Variants in CDC73 observed in about 807,000 individuals in gnomAD.
CDC73 encodes parafibromin.
Under a neutral mutation model 83.7 loss-of-function variants are expected in CDC73, and 21 were observed. The observed-to-expected ratio is 0.25, with a 90% CI of 0.18 to 0.36. The LOEUF is 0.36. Among genes scored for constraint, CDC73 ranks in the 10% least tolerant of loss-of-function variants. CDC73 has a pLI of 1.00. For missense variants in CDC73, 342 were observed against 653.3 expected, an observed-to-expected ratio of 0.52 and a Z score of 5.19; for synonymous variants, 224 against 212.9, an observed-to-expected ratio of 1.05 and a Z score of -0.45.
At chr1:193,156,015 G>T (rs1003780662) in intron 10 of CDC73, among the ~76,000 whole-genome samples, 5 of 152,150 alleles carry the variant, frequency 3.3e-5, no homozygotes, top group Admixed American at 3.3e-4. Flanking sequence ...AAACCATTCA[G>T]TGGGGGAAAT....
chr1:193,135,417 G>A lies in CDC73; in HGVS notation c.334G>A (p.Ala112Thr), dbSNP rs952579366. Residue 112 changes from alanine to threonine, a missense_variant, in exon 4 of 17, where the codon GCT (alanine) becomes ACT (threonine). This residue lies in a region of CDC73 where 99 missense variants were observed against 174.5 expected (regional missense o/e 0.57). Transcript: ENST00000367435. The stretch of plus-strand genomic sequence containing the variant: ...AACATCGGCAAGTATAGACAGAAGC[G>A]CTCCCTTAGAAATAGGTCTTCAGCG... ...ASTSASIDRS[A>T]PLEIGLQRST... 1.2e-6 allele frequency: 2 copies of A among 1,613,544 alleles called. No individual in the cohort carries two copies. Among genetic ancestry groups the A allele is most frequent in the Non-Finnish European group, 1.7e-6 (2 of 1,179,626 alleles).
At chr1:193,220,706 T>A (rs1484047135) in intron 13 of CDC73, among the ~76,000 whole-genome samples, 1 of 152,244 alleles carries the variant, frequency 6.6e-6, no homozygotes, top group Admixed American at 6.5e-5. Flanking sequence ...TTCATTGAGC[T>A]GTTTTTTCAT....
At chr1:193,193,434 CTG>C (rs769481145) in intron 10 of CDC73, among the ~76,000 whole-genome samples, 37 of 152,154 alleles carry the variant, frequency 2.4e-4, no homozygotes, top group Middle Eastern at 3.4e-3. Context: ...CTCATTTTCA[CTG>C]TGTTTTGATA....
chr1:193,172,182 C>T (rs1236312246), intron 10 of CDC73, among the ~76,000 whole-genome samples: 1 of 150,926 alleles, frequency 6.6e-6, no homozygotes, highest in Non-Finnish European at 1.5e-5. Flanking sequence ...ACCTCGGCCT[C>T]CCAAAGTGTT....
intron 10 of CDC73, among the ~76,000 whole-genome samples, chr1:193,172,348 T>G (rs959096928): frequency 2.6e-5 from 4 of 151,964 alleles, no homozygotes; most frequent in Admixed American, 6.6e-5. Context: ...CTTTTTTTTG[T>G]ATTGATTTGC....
At position 193,204,284 on chromosome 1, in the gene CDC73, TA is replaced by T. The variant is rs746099518; in HGVS notation, c.1030+433del. On this transcript the variant is annotated intron_variant, in intron 11 of 16. Coordinates refer to ENST00000367435, the MANE Select transcript of CDC73 (RefSeq NM_024529.5). The stretch of plus-strand genomic sequence containing the variant: ...GTGTGTGTGTGTGTGTGTGTATATA[TA>T]TATTTTTTTTTTTTCTTTTTTTGAG... Among the ~76,000 whole-genome samples, 1,145 of 140,858 alleles carry T rather than the reference TA, an allele frequency of 8.1e-3. 15 individuals are homozygous for T. The highest frequency in any genetic ancestry group is 0.026 in the South Asian group (113 of 4,326). 92.4% of individuals were successfully genotyped at this position (140,858 alleles called of 152,430 possible).
intron 14 of CDC73, among the ~76,000 whole-genome samples, chr1:193,233,987 G>A (rs1677705572): frequency 6.6e-6 from 1 of 151,394 alleles, no homozygotes; most frequent in Non-Finnish European, 1.5e-5. Flanking sequence ...TGAAGTACTT[G>A]TTAGTTTTCA....
At chr1:193,142,400 C>A (rs577609408) in intron 7 of CDC73, among the ~76,000 whole-genome samples, 24 of 152,228 alleles carry the variant, frequency 1.6e-4, no homozygotes, top group Non-Finnish European at 5.9e-5. Flanking sequence ...ATGGCAAGTT[C>A]TCTGGTTATT....
Position 193,248,248 on chromosome 1 carries a change from G to A in CDC73, c.1418-1482G>A, listed in dbSNP as rs888733598. 6.6e-5 allele frequency among the ~76,000 whole-genome samples: 10 copies of A among 152,068 alleles called. 1 individual carries two copies. The highest frequency in any genetic ancestry group is 2.4e-4 in the African/African-American group (10 of 41,428). On this transcript the variant is annotated intron_variant, in intron 15 of 16. Coordinates refer to ENST00000367435, the MANE Select transcript of CDC73 (RefSeq NM_024529.5). Reference sequence around the variant, plus strand: ...TGTGCTTTAGAAATTGAACAAAAAAGCGTGAATGACAACACTGTTTACAGC... The same window carrying A: ...TGTGCTTTAGAAATTGAACAAAAAAACGTGAATGACAACACTGTTTACAGC...
intron 13 of CDC73, among the ~76,000 whole-genome samples, chr1:193,219,516 G>A (rs1350171700): frequency 6.6e-6 from 1 of 152,102 alleles, no homozygotes; most frequent in African/African-American, 2.4e-5. Flanking sequence ...TGGTGGATTG[G>A]ATAAAGAAAT....
intron 15 of CDC73, among the ~76,000 whole-genome samples, chr1:193,237,661 C>T (rs1002583104): frequency 6.6e-6 from 1 of 152,044 alleles, no homozygotes; most frequent in African/African-American, 2.4e-5. Context: ...TAATTACCCA[C>T]AAGTGTGTTG....
At chr1:193,219,585 G>C (rs553574442) in intron 13 of CDC73, among the ~76,000 whole-genome samples, 1 of 152,236 alleles carries the variant, frequency 6.6e-6, no homozygotes, top group South Asian at 2.1e-4. Flanking sequence ...CATGTCCTTT[G>C]CAGCAACATG....
intron 13 of CDC73, among the ~76,000 whole-genome samples, chr1:193,232,238 TAAAAA>T (rs565086312): frequency 6.9e-6 from 1 of 145,652 alleles, no homozygotes; most frequent in Non-Finnish European, 1.5e-5. Flanking sequence ...CATAAAATCT[TAAAAA>T]AAAAAAAGTT....
At chr1:193,182,999 T>A (rs1034124310) in intron 10 of CDC73, among the ~76,000 whole-genome samples, 4 of 152,062 alleles carry the variant, frequency 2.6e-5, no homozygotes, top group African/African-American at 9.7e-5. Flanking sequence ...CATAAATACA[T>A]GTATGTATTT....
chr1:193,175,059 A>G (rs1291738585), intron 10 of CDC73, among the ~76,000 whole-genome samples: 1 of 152,192 alleles, frequency 6.6e-6, no homozygotes, highest in Non-Finnish European at 1.5e-5. Context: ...AATGGGATCA[A>G]AAGATTGGGT....
chr1:193,196,785 G>A (rs921932332), intron 10 of CDC73, among the ~76,000 whole-genome samples: 1 of 152,072 alleles, frequency 6.6e-6, no homozygotes, highest in South Asian at 2.1e-4. Flanking sequence ...ACTAATTTTT[G>A]TGTGTTGATT....
Position 193,233,025 on chromosome 1 carries a change from G to T in CDC73, c.1187G>T (p.Gly396Val). The change falls in exon 14 of 17, where the codon GGT (glycine) becomes GTT (valine). Residue 396 changes from glycine to valine, a missense_variant. Coordinates refer to ENST00000367435, the MANE Select transcript of CDC73 (RefSeq NM_024529.5). ...CCATCAGATGAAAAGAAGAAACAAG[G>T]TTGTCAACGAGAAAATGAAACTCTA... Reference protein sequence around the residue: ...FVPSDEKKKQGCQRENETLIQ... With the variant: ...FVPSDEKKKQVCQRENETLIQ... 1 of 1,613,850 alleles carries T rather than the reference G, an allele frequency of 6.2e-7. No individual in the cohort carries two copies. Among genetic ancestry groups the T allele is most frequent in the Non-Finnish European group, 8.5e-7 (1 of 1,179,796 alleles).
intron 13 of CDC73, among the ~76,000 whole-genome samples, chr1:193,213,264 A>G (rs908276040): frequency 1.3e-5 from 2 of 152,186 alleles, no homozygotes; most frequent in Non-Finnish European, 2.9e-5. Flanking sequence ...ATAATCTTCA[A>G]TGATATAGAC....
chr1:193,191,497 CCTT>C (rs112369662), intron 10 of CDC73, among the ~76,000 whole-genome samples: 4 of 152,266 alleles, frequency 2.6e-5, no homozygotes, highest in African/African-American at 9.6e-5. Flanking sequence ...AAGTGATTCT[CCTT>C]CGTCAGCCAC....
Sources: gnomAD v4.1 joint callset for allele counts (sites outside exome capture counted in the v4.1 genomes callset) on GRCh38, gnomAD v4.1.1 for gene constraint, gnomAD v4.1.1 regional missense constraint, MANE v1.5 for transcripts, NCBI Gene and HGNC (gene_info 2026-07-23, HGNC 2026-07-21) for gene names.